COL19A1: variants seen among roughly 807,000 people sequenced by gnomAD.
COL19A1 encodes collagen type XIX alpha 1 chain.
In COL19A1, 159 loss-of-function variants were observed where a neutral mutation model predicts 190.2. The observed-to-expected ratio is 0.84, with a 90% CI of 0.73 to 0.95. COL19A1 has a LOEUF of 0.95. Ranked by LOEUF, COL19A1 falls within the 40% of genes least tolerant of loss-of-function variation. The pLI, the probability that COL19A1 is intolerant of heterozygous loss-of-function variation, is 0.00. For missense variants in COL19A1, 1,418 were observed against 1,431.9 expected (o/e 0.99, Z 0.16); for synonymous variants, 509 against 458.9 (o/e 1.11, Z -1.39).
intron 11 of COL19A1, among the ~76,000 whole-genome samples, chr6:69,985,755 G>A (rs9454930): frequency 2.0e-5 from 3 of 151,828 alleles, no homozygotes; most frequent in Non-Finnish European, 2.9e-5. Flanking sequence ...AAAGTTTAGG[G>A]CATTTAAAAA....
At chr6:69,945,521 A>G (rs1773739225) in intron 9 of COL19A1, among the ~76,000 whole-genome samples, 1 of 152,142 alleles carries the variant, frequency 6.6e-6, no homozygotes, top group African/African-American at 2.4e-5. Flanking sequence ...ATTTTTAAAA[A>G]TAAGGATACC....
chr6:70,090,858 G>C (rs4707628), intron 15 of COL19A1, among the ~76,000 whole-genome samples: 40,603 of 151,988 alleles, frequency 0.27, 7,295 homozygotes, highest in African/African-American at 0.46. Flanking sequence ...CCACACACTT[G>C]CTCTTCTCTA....
At chr6:70,149,386 G>A (rs1786883534) in intron 27 of COL19A1, among the ~76,000 whole-genome samples, 1 of 152,126 alleles carries the variant, frequency 6.6e-6, no homozygotes, top group African/African-American at 2.4e-5. Flanking sequence ...TTACCCCTGT[G>A]GGTGGTCAGT....
chr6:69,944,004 C>T (rs1046527953), intron 9 of COL19A1, among the ~76,000 whole-genome samples: 3 of 150,202 alleles, frequency 2.0e-5, no homozygotes, highest in African/African-American at 7.5e-5. Flanking sequence ...GTGTAGAGCT[C>T]TCCCCTACCT....
At chr6:70,158,194 G>A (rs1787559971) in intron 34 of COL19A1, among the ~76,000 whole-genome samples, 1 of 152,048 alleles carries the variant, frequency 6.6e-6, no homozygotes, top group South Asian at 2.1e-4. Flanking sequence ...AGGTGGTGCA[G>A]CTTTTTCTTT....
intron 12 of COL19A1, among the ~76,000 whole-genome samples, chr6:70,025,390 T>C (rs1254509736): frequency 1.3e-5 from 2 of 152,066 alleles, no homozygotes; most frequent in African/African-American, 4.8e-5. Flanking sequence ...ATGCAAAGAG[T>C]TATTAAGATT....
chr6:70,001,301 G>T (rs6910705), intron 11 of COL19A1, among the ~76,000 whole-genome samples: 1 of 152,102 alleles, frequency 6.6e-6, no homozygotes, highest in Non-Finnish European at 1.5e-5. Context: ...GTCAGGTAGC[G>T]TGATGCCTCC....
intron 9 of COL19A1, 62 bp downstream of exon 9, chr6:69,938,162 G>A: frequency 2.0e-6 from 3 of 1,469,656 alleles, no homozygotes; most frequent in African/African-American, 1.4e-5. Context: ...ACTTAAAAAT[G>A]TGTTCATCTC....
intron 11 of COL19A1, among the ~76,000 whole-genome samples, chr6:69,990,296 T>C (rs1319932851): frequency 6.6e-6 from 1 of 152,140 alleles, no homozygotes; most frequent in Non-Finnish European, 1.5e-5. Context: ...AGTCTGTATC[T>C]GTAAATGATA....
chr6:70,098,569 G>A, intron 15 of COL19A1: 1 of 424,854 alleles, frequency 2.4e-6, no homozygotes, highest in Non-Finnish European at 4.6e-6. Flanking sequence ...TAGCAGGGTA[G>A]CCACATTTGC....
At chr6:70,062,926 G>A (rs1341216483) in intron 14 of COL19A1, among the ~76,000 whole-genome samples, 1 of 151,998 alleles carries the variant, frequency 6.6e-6, no homozygotes, top group African/African-American at 2.4e-5. Flanking sequence ...AACAAGAAGA[G>A]CTAACTATCC....
In COL19A1 at chr6:70,209,941, C is replaced by T. The variant is rs1372097295; in HGVS notation, c.*2667C>T. On this transcript the variant is annotated 3_prime_UTR_variant, in exon 51 of 51. Coordinates refer to ENST00000620364, the MANE Select transcript of COL19A1 (RefSeq NM_001858.6). ...ATAAAAAGAAACTAAATAATTTGGG[C>T]CCCAAAGTAGGGTGGGAAGTTTTCC... 2 of 152,120 alleles carry T rather than the reference C, an allele frequency of 1.3e-5. No homozygotes were observed. The highest frequency in any genetic ancestry group is 2.9e-5 in the Non-Finnish European group (2 of 68,008). 9.4% of individuals were successfully genotyped at this position (152,120 alleles called of 1,614,324 possible).
chr6:70,172,454 G>T (rs922261604), intron 41 of COL19A1, among the ~76,000 whole-genome samples: 2 of 152,026 alleles, frequency 1.3e-5, no homozygotes, highest in African/African-American at 2.4e-5. Flanking sequence ...GGAGATAGTC[G>T]TAGGAGATGA....
chr6:70,156,417 T>C, intron 33 of COL19A1, 48 bp downstream of exon 33: 1 of 1,578,336 alleles, frequency 6.3e-7, no homozygotes, highest in South Asian at 1.1e-5. Context: ...CTCAATTTAG[T>C]ATGAAAAAAA....
At chr6:69,944,177 A>T (rs1474772590) in intron 9 of COL19A1, among the ~76,000 whole-genome samples, 1 of 152,106 alleles carries the variant, frequency 6.6e-6, no homozygotes, top group Non-Finnish European at 1.5e-5. Context: ...ACTTTAAAAT[A>T]AAAAGGCCTT....
intron 9 of COL19A1, among the ~76,000 whole-genome samples, chr6:69,950,183 A>G (rs181829931): frequency 1.2e-4 from 19 of 152,014 alleles, no homozygotes; most frequent in Admixed American, 6.6e-4. Flanking sequence ...ACTCTGAACA[A>G]TGTATTAATA....
At chr6:70,098,096 A>G (rs900693517) in intron 15 of COL19A1, among the ~76,000 whole-genome samples, 1 of 152,152 alleles carries the variant, frequency 6.6e-6, no homozygotes, top group Non-Finnish European at 1.5e-5. Context: ...TCCTGTACCT[A>G]CTACCAACCG....
intron 13 of COL19A1, 148 bp downstream of exon 13, chr6:70,034,446 G>C (rs1329064851): frequency 1.6e-6 from 1 of 615,830 alleles, no homozygotes; most frequent in South Asian, 2.0e-5. Flanking sequence ...AATAAGAACA[G>C]CCTTTTTGTT....
chr6:69,874,319 T>C (rs752247263), intron 1 of COL19A1, among the ~76,000 whole-genome samples: 3 of 152,232 alleles, frequency 2.0e-5, no homozygotes, highest in Admixed American at 6.5e-5. Flanking sequence ...ATCTGAACAA[T>C]TTGTTTTTAA....
Sources: gnomAD v4.1 joint callset for allele counts (sites outside exome capture counted in the v4.1 genomes callset) on GRCh38, gnomAD v4.1.1 for gene constraint, MANE v1.5 for transcripts, NCBI Gene and HGNC (gene_info 2026-07-23, HGNC 2026-07-21) for gene names.